Variants in PCDH15 observed in about 807,000 individuals in gnomAD.
The protein encoded by PCDH15 is protocadherin-15.
Under a neutral mutation model 178.5 loss-of-function variants are expected in PCDH15, and 129 were observed. That is an observed-to-expected ratio of 0.72 (90% CI 0.63 to 0.84). The LOEUF is 0.84. Among genes scored for constraint, PCDH15 ranks in the 40% least tolerant of loss-of-function variants. PCDH15 has a pLI of 0.00. For missense variants in PCDH15, 2,230 were observed against 2,099.9 expected, an observed-to-expected ratio of 1.06 and a Z score of -1.21; for synonymous variants, 800 against 732.0, an observed-to-expected ratio of 1.09 and a Z score of -1.50.
intron 2 of PCDH15, among the ~76,000 whole-genome samples, chr10:54,959,333 A>G (rs1591806476): frequency 6.6e-6 from 1 of 152,114 alleles, no homozygotes; most frequent in South Asian, 2.1e-4. Flanking sequence ...AGGAAATTAC[A>G]CAGAAGAATG....
intron 2 of PCDH15, among the ~76,000 whole-genome samples, chr10:55,326,742 A>T (rs555979004): frequency 3.9e-4 from 60 of 152,208 alleles, no homozygotes; most frequent in Admixed American, 8.5e-4. Flanking sequence ...ACAAAATCTA[A>T]CACATACCTA....
intron 2 of PCDH15, among the ~76,000 whole-genome samples, chr10:55,560,311 T>C (rs1248757913): frequency 1.3e-5 from 2 of 151,924 alleles, no homozygotes; most frequent in African/African-American, 2.4e-5. Flanking sequence ...AGACTGGGAA[T>C]GCTTGATGTT....
At chr10:54,841,974 T>C (rs2133761975) in intron 3 of PCDH15, among the ~76,000 whole-genome samples, 1 of 152,002 alleles carries the variant, frequency 6.6e-6, no homozygotes, top group Non-Finnish European at 1.5e-5. Flanking sequence ...CTTAAGTTCA[T>C]TTCAATAAGC....
chr10:54,752,752 T>C, intron 1 of PCDH15, among the ~76,000 whole-genome samples: 1 of 151,396 alleles, frequency 6.6e-6, no homozygotes, highest in East Asian at 1.9e-4. Context: ...TATTTCCTGC[T>C]GGTTTATCAG....
intron 3 of PCDH15, among the ~76,000 whole-genome samples, chr10:54,516,430 C>T (rs12572258): frequency 5.3e-5 from 8 of 151,588 alleles, no homozygotes; most frequent in Middle Eastern, 3.4e-3. Flanking sequence ...CCTCAGGAGC[C>T]GATGAGATCA....
At chr10:55,323,878 A>G (rs1237772135), upstream of PCDH15, among the ~76,000 whole-genome samples, 1 of 152,124 alleles carries the variant, frequency 6.6e-6, no homozygotes, top group Non-Finnish European at 1.5e-5. Flanking sequence ...GGGTAGAATG[A>G]TAGGTTTGGC....
chr10:54,886,654 C>T (rs1406567781), intron 3 of PCDH15, among the ~76,000 whole-genome samples: 2 of 152,156 alleles, frequency 1.3e-5, no homozygotes, highest in East Asian at 1.9e-4. Context: ...CCTAGCTACT[C>T]GGGAGGCCTT....
In PCDH15 at chr10:54,340,009, T is replaced by C. The variant is rs536928270; in HGVS notation, c.594+6356A>G. 1.7e-3 allele frequency among the ~76,000 whole-genome samples: 257 copies of C among 152,332 alleles called. 2 individuals are homozygous for C. Among genetic ancestry groups the C allele is most frequent in the African/African-American group, 6.0e-3 (250 of 41,574 alleles). The stretch of plus-strand genomic sequence containing the variant: ...CTCCAACTGCAAGACCTCATTGCAA[T>C]GATTTCTATACCTATTGCAGTGGTC... On this transcript the variant is annotated intron_variant, in intron 6 of 37. Transcript: ENST00000644397.
rs556535212 is a variant in PCDH15 at position 54,601,743 on chromosome 10, T to A, written c.91+62429A>T. On this transcript the variant is annotated intron_variant, in intron 2 of 37. Coordinates refer to ENST00000644397, the MANE Select transcript of PCDH15 (RefSeq NM_001384140.1). ...TATTATAAAGACACATGCCCACATA[T>A]GTTCATTTCAGTAAATGTGGTACAT... 2.3e-4 allele frequency among the ~76,000 whole-genome samples: 35 copies of A among 152,126 alleles called. 1 individual carries two copies. The South Asian group carries it at 6.8e-3, about 30-fold the overall frequency.
At chr10:54,455,481 G>C (rs2076755414) in intron 3 of PCDH15, among the ~76,000 whole-genome samples, 1 of 152,144 alleles carries the variant, frequency 6.6e-6, no homozygotes, top group African/African-American at 2.4e-5. Context: ...AATTTGTTAG[G>C]AGTTGGAGTA....
chr10:54,546,314 T>G (rs1161403359), intron 2 of PCDH15, among the ~76,000 whole-genome samples: 1 of 152,200 alleles, frequency 6.6e-6, no homozygotes, highest in African/African-American at 2.4e-5. Context: ...GGATGAGTAA[T>G]TCTCATGGAA....
At chr10:54,990,529 A>C (rs556296815) in intron 2 of PCDH15, among the ~76,000 whole-genome samples, 1 of 152,294 alleles carries the variant, frequency 6.6e-6, no homozygotes, top group Admixed American at 6.5e-5. Flanking sequence ...AAAATAAATA[A>C]ATTTCATTGA....
chr10:55,435,159 T>C lies in PCDH15; in HGVS notation c.-156+192466A>G, dbSNP rs77814009. ...AATAGTAAGTAAAGAATAATGCTTT[T>C]GTGGGGTAAAGAAAAATAAGGTGCA... On this transcript the variant is annotated intron_variant, in intron 2 of 5. Coordinates refer to the PCDH15 transcript ENST00000613346. Among the ~76,000 whole-genome samples, 129 of 152,206 alleles carry C rather than the reference T, an allele frequency of 8.5e-4. 1 individual carries two copies. In the East Asian group the frequency reaches 0.022, roughly 26 times the overall value.
At chr10:54,075,157 C>T (rs1173928106) in intron 17 of PCDH15, among the ~76,000 whole-genome samples, 2 of 151,900 alleles carry the variant, frequency 1.3e-5, no homozygotes, top group Non-Finnish European at 2.9e-5. Context: ...GCAGGCAGAT[C>T]ACGAGGTCAG....
At chr10:54,686,275 TAGAAA>T (rs550416284) in intron 1 of PCDH15, among the ~76,000 whole-genome samples, 37 of 152,154 alleles carry the variant, frequency 2.4e-4, no homozygotes, top group Admixed American at 2.1e-3. Context: ...GATTATTTTC[TAGAAA>T]AGAAAAGTTC....
chr10:55,184,425 A>C (rs1433001833), intron 1 of PCDH15, among the ~76,000 whole-genome samples: 2 of 152,134 alleles, frequency 1.3e-5, no homozygotes, highest in East Asian at 3.9e-4. Flanking sequence ...TTTAAGCCAT[A>C]AACTCCATCT....
chr10:55,131,926 C>A (rs1838058484), intron 2 of PCDH15, among the ~76,000 whole-genome samples: 1 of 152,136 alleles, frequency 6.6e-6, no homozygotes, highest in African/African-American at 2.4e-5. Flanking sequence ...GAAGGTGGGG[C>A]TTCAATAGGG....
chr10:53,895,141 ACCAGGAGCCC>A (rs776219410), intron 26 of PCDH15, among the ~76,000 whole-genome samples: 24 of 152,182 alleles, frequency 1.6e-4, no homozygotes, highest in South Asian at 6.2e-4. Flanking sequence ...AGGGCTAGAG[ACCAGGAGCCC>A]CCAGGAGCCC....
intron 6 of PCDH15, among the ~76,000 whole-genome samples, chr10:54,335,316 C>T (rs781249773): frequency 2.6e-5 from 4 of 152,130 alleles, no homozygotes; most frequent in Non-Finnish European, 5.9e-5. Flanking sequence ...TAAGTTAAAA[C>T]AAAACCAACA....
Sources: gnomAD v4.1 joint callset for allele counts (sites outside exome capture counted in the v4.1 genomes callset) on GRCh38, gnomAD v4.1.1 for gene constraint, MANE v1.5 for transcripts, NCBI Gene and HGNC (gene_info 2026-07-23, HGNC 2026-07-21) for gene names.